CLSTN1: variants seen among roughly 807,000 people sequenced by gnomAD.
CLSTN1 encodes the protein calsyntenin 1.
CLSTN1 carries 28 observed loss-of-function variants against 108.3 expected under a neutral mutation model. The ratio of observed to expected loss-of-function variants is 0.26; its 90% CI spans 0.19 to 0.35. CLSTN1 has a LOEUF of 0.35. Among genes scored for constraint, CLSTN1 ranks in the 10% least tolerant of loss-of-function variants. CLSTN1 has a pLI of 1.00. For missense variants in CLSTN1, 1,157 were observed against 1,302.6 expected (o/e 0.89, Z 1.72); for synonymous variants, 524 against 534.9 (o/e 0.98, Z 0.28).
intron 2 of CLSTN1, among the ~76,000 whole-genome samples, chr1:9,761,257 C>A (rs570138283): frequency 5.3e-5 from 8 of 152,130 alleles, no homozygotes; most frequent in Admixed American, 1.3e-4. Flanking sequence ...CTTTGGGAGG[C>A]TGAGGTGGGT....
intron 2 of CLSTN1, among the ~76,000 whole-genome samples, chr1:9,772,206 C>T (rs568182168): frequency 1.1e-3 from 154 of 142,038 alleles, no homozygotes; most frequent in African/African-American, 3.8e-3. Context: ...AGGATGGTCT[C>T]GATCTCCTGA....
intron 1 of CLSTN1, among the ~76,000 whole-genome samples, chr1:9,778,667 A>G (rs1207117582): frequency 6.6e-6 from 1 of 152,096 alleles, no homozygotes. Context: ...GTGTCTTTGA[A>G]ATCCGTCTTC....
chr1:9,755,182 A>G lies in CLSTN1; in HGVS notation c.372T>C (p.Tyr124=). Residue 124 remains tyrosine, a synonymous_variant, in exon 4 of 19, where the codon TAT becomes TAC. Transcript: ENST00000377298. ...EKLDCELQKD[Y]SFTIQAYDCG... ...AATCATAGGCCTGGATGGTGAATGA[A>G]TAGTCTTTCTGCAGCTCACAGTCCA... 6.2e-7 allele frequency: 1 copy of G among 1,614,146 alleles called. No homozygotes were observed. The highest frequency in any genetic ancestry group is 8.5e-7 in the Non-Finnish European group (1 of 1,180,022).
intron 5 of CLSTN1, 74 bp downstream of exon 5, chr1:9,751,399 A>C (rs1651549446): frequency 7.0e-7 from 1 of 1,421,632 alleles, no homozygotes; most frequent in Non-Finnish European, 9.8e-7. Flanking sequence ...CGAAGCACAG[A>C]AGCTGGGGTG....
chr1:9,736,168 C>T, intron 11 of CLSTN1, 126 bp from the exon 12 acceptor site: 1 of 1,113,302 alleles, frequency 9.0e-7, no homozygotes, highest in Admixed American at 1.9e-5. Context: ...TAGTTCATAC[C>T]AAGTCCTGTT....
intron 1 of CLSTN1, among the ~76,000 whole-genome samples, chr1:9,816,710 G>GCACC: frequency 6.6e-6 from 1 of 151,918 alleles, no homozygotes. Context: ...GCAATGGTGT[G>GCACC]ATCTCGACTC....
Position 9,795,327 on chromosome 1 carries a change from G to A in CLSTN1, c.92-21933C>T, listed in dbSNP as rs534619723. ...ATTACAGGCATGCGCCACCACGCCC[G>A]GCTAATTTTTGTATTTTTAGTAGAG... On this transcript the variant is annotated intron_variant, in intron 1 of 18. Coordinates refer to ENST00000377298, the MANE Select transcript of CLSTN1 (RefSeq NM_001009566.3). Among the ~76,000 whole-genome samples the A allele has an allele frequency of 6.8e-4, 102 of 150,874 alleles. 1 individual carries two copies. Among genetic ancestry groups the A allele is most frequent in the African/African-American group, 2.4e-3 (98 of 41,404 alleles).
intron 5 of CLSTN1, 24 bp from the exon 6 acceptor site, chr1:9,749,937 T>C: frequency 6.2e-7 from 1 of 1,608,144 alleles, no homozygotes; most frequent in Non-Finnish European, 8.5e-7. Flanking sequence ...AAAACAACAG[T>C]GAGAGCCAAA....
At chr1:9,749,164 A>G (rs910676775) in intron 7 of CLSTN1, among the ~76,000 whole-genome samples, 1 of 152,080 alleles carries the variant, frequency 6.6e-6, no homozygotes, top group Non-Finnish European at 1.5e-5. Flanking sequence ...TCGGCCTCCT[A>G]AAGTGCTGGA....
At chr1:9,757,667 T>C (rs1651883929) in intron 2 of CLSTN1, among the ~76,000 whole-genome samples, 1 of 152,200 alleles carries the variant, frequency 6.6e-6, no homozygotes, top group Non-Finnish European at 1.5e-5. Flanking sequence ...TAAATGTGAA[T>C]AGAAACCAGA....
chr1:9,748,474 G>GT (rs1651389584), intron 7 of CLSTN1, among the ~76,000 whole-genome samples: 1 of 152,058 alleles, frequency 6.6e-6, no homozygotes, highest in Non-Finnish European at 1.5e-5. Flanking sequence ...AAAAGCTATT[G>GT]TATTACCTAT....
In CLSTN1 at chr1:9,737,572, A is replaced by G; in HGVS notation, c.1520-18T>C. 6.2e-7 allele frequency: 1 copy of G among 1,613,132 alleles called. No homozygotes were observed. The highest frequency in any genetic ancestry group is 8.5e-7 in the Non-Finnish European group (1 of 1,179,072). ...TGAAAACTCTGTGGAAAAGCAAGAC[A>G]AAGACAATAGAAAAGGACTGAGAGG... On this transcript the variant is annotated intron_variant, in intron 10 of 18. Transcript: ENST00000377298.
chr1:9,800,666 C>T (rs1654223985), intron 1 of CLSTN1, among the ~76,000 whole-genome samples: 1 of 149,894 alleles, frequency 6.7e-6, no homozygotes, highest in African/African-American at 2.5e-5. Context: ...GGAAGCGGAC[C>T]TTGCAGTGAG....
chr1:9,801,925 GAA>G (rs1654289278), intron 1 of CLSTN1, among the ~76,000 whole-genome samples: 1 of 152,090 alleles, frequency 6.6e-6, no homozygotes, highest in African/African-American at 2.4e-5. Context: ...TATCTCTCAT[GAA>G]CACAGATGCA....
At chr1:9,768,980 G>A (rs1207846108) in intron 2 of CLSTN1, among the ~76,000 whole-genome samples, 3 of 139,532 alleles carry the variant, frequency 2.2e-5, no homozygotes, top group African/African-American at 8.1e-5. Flanking sequence ...AGGGAAGAAG[G>A]GATGGAAGGA....
chr1:9,815,377 G>C (rs1173833845), intron 1 of CLSTN1, among the ~76,000 whole-genome samples: 2 of 152,176 alleles, frequency 1.3e-5, no homozygotes, highest in Non-Finnish European at 2.9e-5. Context: ...AAGTATAGAG[G>C]AAAGAACTTT....
chr1:9,768,002 T>C (rs1652432099), intron 2 of CLSTN1, among the ~76,000 whole-genome samples: 1 of 152,112 alleles, frequency 6.6e-6, no homozygotes, highest in Admixed American at 6.5e-5. Flanking sequence ...TCTGTGACAT[T>C]AATGAGGTCT....
intron 2 of CLSTN1, among the ~76,000 whole-genome samples, chr1:9,771,385 G>GTAATCC (rs1652666203): frequency 6.6e-6 from 1 of 152,118 alleles, no homozygotes; most frequent in Non-Finnish European, 1.5e-5. Context: ...GGAGGCCAAG[G>GTAATCC]CGGGTGGATC....
intron 2 of CLSTN1, among the ~76,000 whole-genome samples, chr1:9,766,235 A>G (rs1034119390): frequency 1.3e-5 from 2 of 152,192 alleles, no homozygotes; most frequent in Non-Finnish European, 2.9e-5. Context: ...TAGAAGGAGG[A>G]GCTCTGAAGA....
Sources: allele counts gnomAD v4.1 joint callset (sites outside exome capture counted in the v4.1 genomes callset), GRCh38; gene constraint gnomAD v4.1.1; transcripts MANE v1.5; gene names NCBI Gene and HGNC (gene_info 2026-07-23, HGNC 2026-07-21).